Variants in TECTA observed in about 807,000 individuals in gnomAD.
TECTA encodes the protein alpha-tectorin.
Under a neutral mutation model 216.8 loss-of-function variants are expected in TECTA, and 128 were observed. That is an observed-to-expected ratio of 0.59 (90% CI 0.51 to 0.68). The LOEUF is 0.68. TECTA is among the 30% of genes least tolerant of loss of function. The pLI is 0.00. For synonymous variants in TECTA, 1,089 were observed against 1,117.1 expected (o/e 0.97, Z 0.50); for missense variants, 2,551 against 2,786.2 (o/e 0.92, Z 1.90).
intron 2 of TECTA, among the ~76,000 whole-genome samples, chr11:121,104,133 G>A (rs981545105): frequency 1.3e-4 from 20 of 151,986 alleles, no homozygotes; most frequent in Non-Finnish European, 2.9e-4. Context: ...TTCATACTTG[G>A]GCATGACTCC....
At chr11:121,144,766 T>A (rs1255296690) in intron 11 of TECTA, among the ~76,000 whole-genome samples, 2 of 151,484 alleles carry the variant, frequency 1.3e-5, no homozygotes, top group Non-Finnish European at 2.9e-5. Flanking sequence ...GCCTGGGGGG[T>A]AATGAGGGGA....
At chr11:121,144,416 G>A (rs898582634) in intron 11 of TECTA, among the ~76,000 whole-genome samples, 1 of 152,176 alleles carries the variant, frequency 6.6e-6, no homozygotes. Context: ...CAAGGGAGGA[G>A]CAGTGGCGTG....
chr11:121,120,802 C>T (rs1003834468), intron 7 of TECTA, among the ~76,000 whole-genome samples: 8 of 152,238 alleles, frequency 5.3e-5, no homozygotes, highest in South Asian at 2.1e-4. Context: ...CGCGTGAACA[C>T]GAGTAGTTTA....
Position 121,128,323 on chromosome 11 carries a change from C to T in TECTA, c.2346C>T (p.Gly782=), listed in dbSNP as rs764344124. 1 of 1,599,662 alleles carries T rather than the reference C, an allele frequency of 6.3e-7. No homozygotes were observed. The highest frequency in any genetic ancestry group is 2.2e-5 in the East Asian group (1 of 44,864). ...CCGACCAGGAGGTCAAGATAGGAGG[C>T]ATCGGGGCTTCGGAAGTCAAGGTAA... is the stretch of plus-strand genomic sequence containing the variant. ...LVADQEVKIG[G]IGASEVKLNG... The change falls in exon 9 of 24, where the codon GGC becomes GGT. Residue 782 remains glycine, a synonymous_variant. Coordinates refer to ENST00000392793, the MANE Select transcript of TECTA (RefSeq NM_005422.4).
At chr11:121,176,511 C>A (rs1454633944) in intron 20 of TECTA, among the ~76,000 whole-genome samples, 1 of 87,094 alleles carries the variant, frequency 1.1e-5, no homozygotes, top group Non-Finnish European at 2.0e-5. Context: ...TGTCAAATAT[C>A]TTCTGGCTTG....
At chr11:121,115,157 T>C (rs1258312201) in intron 6 of TECTA, among the ~76,000 whole-genome samples, 7 of 126,382 alleles carry the variant, frequency 5.5e-5, no homozygotes, top group Non-Finnish European at 8.6e-5. Context: ...ATCCACCCAT[T>C]CACCCACCCA....
chr11:121,136,377 G>A (rs998135980), intron 10 of TECTA, among the ~76,000 whole-genome samples: 3 of 152,110 alleles, frequency 2.0e-5, no homozygotes, highest in Admixed American at 6.6e-5. Context: ...AGGGGAAAGC[G>A]CATGAGCAAA....
chr11:121,153,019 A>C lies in TECTA; in HGVS notation c.4244A>C (p.Asn1415Thr). 6.2e-7 allele frequency: 1 copy of C among 1,614,206 alleles called. No homozygotes were observed. ...GCHCDAGYVL[N>T]GKSCILPHSC... ...CACTGCGACGCTGGCTACGTCCTCAACGGCAAGAGCTGCATCCTGCCCCAC... is the reference window on the plus strand; with the variant it reads ...CACTGCGACGCTGGCTACGTCCTCACCGGCAAGAGCTGCATCCTGCCCCAC... Residue 1415 changes from asparagine (N) to threonine (T), a missense_variant, in exon 13 of 24, where the codon AAC becomes ACC. By Grantham distance (65) the Asn-to-Thr change is moderately conservative. This residue lies in a region of TECTA where 2,375 missense variants were observed against 2,563.9 expected (regional missense o/e 0.93). Transcript: ENST00000392793.
chr11:121,177,832 C>A (rs1178654071), intron 20 of TECTA, among the ~76,000 whole-genome samples: 1 of 152,222 alleles, frequency 6.6e-6, no homozygotes, highest in Non-Finnish European at 1.5e-5. Context: ...GGGCTCCACC[C>A]AGTTCGAGCT....
At chr11:121,171,442 T>G (rs911174848) in intron 20 of TECTA, among the ~76,000 whole-genome samples, 4 of 152,138 alleles carry the variant, frequency 2.6e-5, no homozygotes, top group African/African-American at 9.7e-5. Context: ...TTTAGGATTT[T>G]TTTTCTATTT....
intron 16 of TECTA, among the ~76,000 whole-genome samples, chr11:121,162,972 A>C (rs549221795): frequency 6.6e-6 from 1 of 152,330 alleles, no homozygotes; most frequent in East Asian, 1.9e-4. Flanking sequence ...TACTGTGTTA[A>C]TCAAATAGGA....
chr11:121,164,797 A>G (rs1947034914), intron 16 of TECTA, among the ~76,000 whole-genome samples: 1 of 152,156 alleles, frequency 6.6e-6, no homozygotes, highest in Non-Finnish European at 1.5e-5. Flanking sequence ...TAATATGTTC[A>G]TTATTGGCAC....
intron 20 of TECTA, among the ~76,000 whole-genome samples, chr11:121,179,351 C>A (rs1947202127): frequency 6.6e-6 from 1 of 152,108 alleles, no homozygotes; most frequent in Middle Eastern, 3.4e-3. Context: ...TCCAAAATTT[C>A]TCTTATTATT....
intron 11 of TECTA, 44 bp downstream of exon 11, chr11:121,138,066 G>A (rs777960439): frequency 3.8e-4 from 614 of 1,611,804 alleles, no homozygotes; most frequent in Non-Finnish European, 4.8e-4. Context: ...TCGTGGAGAC[G>A]TCAGGATGGG....
chr11:121,152,849 G>C, intron 12 of TECTA, 32 bp from the exon 13 acceptor site: 1 of 1,577,414 alleles, frequency 6.3e-7, no homozygotes, highest in Non-Finnish European at 8.7e-7. Flanking sequence ...CCTTGTGATC[G>C]TGCGAGTCTT....
chr11:121,174,457 T>C (rs1157323194), intron 20 of TECTA, among the ~76,000 whole-genome samples: 2 of 152,200 alleles, frequency 1.3e-5, no homozygotes, highest in Admixed American at 1.3e-4. Flanking sequence ...ATCATGTGAT[T>C]TTTGTCTTTC....
rs1591437923 is a variant in TECTA at position 121,113,674 on chromosome 11, T to C, written c.746T>C (p.Val249Ala). 2 of 1,613,606 alleles carry C rather than the reference T, an allele frequency of 1.2e-6. No homozygotes were observed. Among genetic ancestry groups the C allele is most frequent in the Non-Finnish European group, 1.7e-6 (2 of 1,179,956 alleles). The change falls in exon 6 of 24, where the codon GTT becomes GCT. Residue 249 changes from valine to alanine, a missense_variant. Around this residue, in one of 3 missense-constraint regions of TECTA, gnomAD observed 2,375 missense variants for 2,563.9 expected, o/e 0.93. Coordinates refer to ENST00000392793, the MANE Select transcript of TECTA (RefSeq NM_005422.4). This position sits in a 1 kb window ranked among gnomAD's most constrained non-coding sequence, Gnocchi z 4.2. Reference sequence around the variant, plus strand: ...GTTCCAGGCCGCTGGGCATTTAAAGTTGATGGAAAGGAAATTGACCCAGCC... The same window carrying C: ...GTTCCAGGCCGCTGGGCATTTAAAGCTGATGGAAAGGAAATTGACCCAGCC... Reference protein sequence around the residue: ...VNVPGRWAFKVDGKEIDPANG... With the variant: ...VNVPGRWAFKADGKEIDPANG...
At chr11:121,164,683 C>A (rs184570976) in intron 16 of TECTA, among the ~76,000 whole-genome samples, 22 of 152,198 alleles carry the variant, frequency 1.4e-4, no homozygotes, top group African/African-American at 4.3e-4. Flanking sequence ...TCCTTTGTCT[C>A]TTTTTACAAA....
At chr11:121,134,762 G>T (rs760728659) in intron 10 of TECTA, among the ~76,000 whole-genome samples, 26 of 152,260 alleles carry the variant, frequency 1.7e-4, no homozygotes, top group Middle Eastern at 6.8e-3. Flanking sequence ...CTTTTAGACT[G>T]CTAACTCCTA....
Sources: allele counts gnomAD v4.1 joint callset (sites outside exome capture counted in the v4.1 genomes callset), GRCh38; gene constraint gnomAD v4.1.1; regional missense constraint gnomAD v4.1.1; non-coding constraint Gnocchi (gnomAD v3.1); transcripts MANE v1.5; gene names NCBI Gene and HGNC (gene_info 2026-07-23, HGNC 2026-07-21).